Variants in SEC24A observed in about 807,000 individuals in gnomAD.
SEC24A encodes SEC24 homolog A, COPII component.
A neutral mutation model predicts 129.4 loss-of-function variants in SEC24A; 93 were observed. The observed-to-expected ratio is 0.72, with a 90% CI of 0.61 to 0.85. The LOEUF is 0.85. SEC24A is among the 40% of genes least tolerant of loss of function. The probability of loss-of-function intolerance (pLI) is 0.00; values close to 1 mark genes in which losing one functional copy is unlikely to be tolerated. For missense variants in SEC24A, 1,264 were observed against 1,307.4 expected (o/e 0.97, Z 0.51); for synonymous variants, 460 against 467.3 (o/e 0.98, Z 0.20).
chr5:134,650,387 A>G (rs142021764), intron 1 of SEC24A, among the ~76,000 whole-genome samples: 211 of 152,342 alleles, frequency 1.4e-3, no homozygotes, highest in African/African-American at 4.1e-3. Context: ...ACTTTAAATG[A>G]CAAATCCTCA....
rs1752732022 is a variant in SEC24A, at chr5:134,725,249, A to G, written c.*155A>G. 1 of 538,312 alleles carries G rather than the reference A, an allele frequency of 1.9e-6. No individual in the cohort carries two copies. Among genetic ancestry groups the G allele is most frequent in the Non-Finnish European group, 3.3e-6 (1 of 306,948 alleles). 33.3% of individuals were successfully genotyped at this position (538,312 alleles called of 1,614,324 possible). A position where few individuals can be genotyped will look rare whatever the true frequency, so the allele number is the denominator to read the frequency against. ...TTCAACAACCTATAGCAAATAAAAG[A>G]CCACAGCAGAGAATCAAACATGCAA... On this transcript the variant is annotated 3_prime_UTR_variant, in exon 23 of 23. Coordinates refer to ENST00000398844, the MANE Select transcript of SEC24A (RefSeq NM_021982.3).
intron 1 of SEC24A, among the ~76,000 whole-genome samples, chr5:134,655,135 C>T (rs1186562501): frequency 6.6e-6 from 1 of 152,118 alleles, no homozygotes; most frequent in Non-Finnish European, 1.5e-5. Context: ...CCGCACCCGG[C>T]CACATGAGAT....
At chr5:134,709,785 T>G (rs1243351731) in intron 18 of SEC24A, among the ~76,000 whole-genome samples, 1 of 152,160 alleles carries the variant, frequency 6.6e-6, no homozygotes, top group Non-Finnish European at 1.5e-5. Flanking sequence ...TAATTAGAAT[T>G]TTTCACCAAC....
intron 10 of SEC24A, among the ~76,000 whole-genome samples, chr5:134,687,347 T>C (rs1751488112): frequency 6.6e-6 from 1 of 152,224 alleles, no homozygotes; most frequent in South Asian, 2.1e-4. Context: ...TTTTTGTTCC[T>C]AGTTGTCTCA....
chr5:134,715,225 C>A, intron 19 of SEC24A, 64 bp downstream of exon 19: 1 of 1,312,156 alleles, frequency 7.6e-7, no homozygotes, highest in Non-Finnish European at 1.1e-6. Context: ...TAGTCCAGTA[C>A]AGAAATGAGG....
intron 1 of SEC24A, among the ~76,000 whole-genome samples, chr5:134,655,698 A>G (rs1580675505): frequency 6.6e-6 from 1 of 152,118 alleles, no homozygotes; most frequent in South Asian, 2.1e-4. Context: ...TAAGGCCACA[A>G]ATGGCTTCCT....
At position 134,648,952 on chromosome 5, in the gene SEC24A, C is replaced by A. The variant is rs1436465402; in HGVS notation, c.-125C>A. On this transcript the variant is annotated 5_prime_UTR_variant, in exon 1 of 23. Transcript: ENST00000398844. ...CCATGCCTCGGGCTTAATGCGCCCC[C>A]CCCTCTTCTCCCAGTCTTCAGTCTT... 13 of 641,628 alleles carry A rather than the reference C, an allele frequency of 2.0e-5. No individual in the cohort carries two copies. Among genetic ancestry groups the A allele is most frequent in the Non-Finnish European group, 3.2e-5 (12 of 371,222 alleles). 39.7% of individuals were successfully genotyped at this position (641,628 alleles called of 1,614,324 possible).
intron 4 of SEC24A, among the ~76,000 whole-genome samples, chr5:134,672,965 C>T (rs962102362): frequency 5.3e-5 from 8 of 151,662 alleles, no homozygotes; most frequent in African/African-American, 1.7e-4. Flanking sequence ...TGGTCTCGAA[C>T]CCTTGGCTTG....
chr5:134,690,787 A>G (rs1751618818), intron 11 of SEC24A, among the ~76,000 whole-genome samples: 1 of 152,158 alleles, frequency 6.6e-6, no homozygotes, highest in Non-Finnish European at 1.5e-5. Context: ...CAGGTAGCAT[A>G]CCTTCTGATT....
Position 134,697,258 on chromosome 5 carries a change from G to T in SEC24A, c.2107+12G>T. ...TTTGGCTTCTCTGGGTAAGTTCTTCGTAATGATTTTTTTTTTCCGTTAAAT... is the reference window on the plus strand; with the variant it reads ...TTTGGCTTCTCTGGGTAAGTTCTTCTTAATGATTTTTTTTTTCCGTTAAAT... On this transcript the variant is annotated intron_variant, in intron 14 of 22. Coordinates refer to ENST00000398844, the MANE Select transcript of SEC24A (RefSeq NM_021982.3). The T allele has an allele frequency of 1.9e-6, 3 of 1,581,986 alleles. No individual in the cohort carries two copies. The highest frequency in any genetic ancestry group is 2.3e-5 in the South Asian group (2 of 86,474).
intron 19 of SEC24A, among the ~76,000 whole-genome samples, chr5:134,716,658 C>G (rs917915960): frequency 1.3e-4 from 19 of 150,002 alleles, no homozygotes; most frequent in African/African-American, 4.7e-4. Flanking sequence ...ATTAACTGGT[C>G]GTGGTGATGC....
chr5:134,686,502 G>T (rs570592044), intron 9 of SEC24A, among the ~76,000 whole-genome samples: 1 of 152,314 alleles, frequency 6.6e-6, no homozygotes, highest in South Asian at 2.1e-4. Context: ...CTCCCAAAGT[G>T]CTGGGATTAC....
intron 20 of SEC24A, among the ~76,000 whole-genome samples, chr5:134,718,470 C>A (rs1752540853): frequency 6.6e-6 from 1 of 151,776 alleles, no homozygotes; most frequent in Admixed American, 6.6e-5. Context: ...TTAGGCGGGT[C>A]CTTGAGGAGG....
In SEC24A at chr5:134,693,515, T is replaced by A; in HGVS notation, c.1780-212T>A. The A allele has an allele frequency of 2.1e-6, 3 of 1,422,162 alleles. No homozygotes were observed. In the South Asian group the frequency reaches 4.6e-5, roughly 22 times the overall value. 88.1% of individuals were successfully genotyped at this position (1,422,162 alleles called of 1,614,324 possible). ...GCTGGACTACTGCATGTGCAAGAACTGTAAGGCCCAACTTTGATTTGTCTT... is the reference window on the plus strand; with the variant it reads ...GCTGGACTACTGCATGTGCAAGAACAGTAAGGCCCAACTTTGATTTGTCTT... On this transcript the variant is annotated intron_variant, in intron 12 of 22. Coordinates refer to ENST00000398844, the MANE Select transcript of SEC24A (RefSeq NM_021982.3).
At chr5:134,708,942 A>T (rs1752243755) in intron 18 of SEC24A, 54 bp downstream of exon 18, 1 of 1,528,598 alleles carries the variant, frequency 6.5e-7, no homozygotes, top group East Asian at 2.3e-5. Context: ...ACTGTGGCCT[A>T]CACCTGCAAT....
chr5:134,696,793 C>T (rs891319895), intron 13 of SEC24A, among the ~76,000 whole-genome samples: 3 of 151,364 alleles, frequency 2.0e-5, no homozygotes, highest in Middle Eastern at 3.4e-3. Flanking sequence ...CCACCGCACC[C>T]GGCCATTTTT....
At chr5:134,707,735 T>G (rs973721704) in intron 17 of SEC24A, among the ~76,000 whole-genome samples, 8 of 152,186 alleles carry the variant, frequency 5.3e-5, no homozygotes, top group Admixed American at 4.6e-4. Context: ...TGTCACAACT[T>G]TGTAAGTATT....
chr5:134,718,198 C>G (rs752380156), intron 20 of SEC24A, 25 bp downstream of exon 20: 1 of 1,496,016 alleles, frequency 6.7e-7, no homozygotes, highest in Non-Finnish European at 9.3e-7. Context: ...TTATCCTGAC[C>G]CTCACTGCAA....
intron 18 of SEC24A, among the ~76,000 whole-genome samples, chr5:134,709,594 TG>T (rs1289196526): frequency 6.6e-6 from 1 of 152,088 alleles, no homozygotes; most frequent in Non-Finnish European, 1.5e-5. Flanking sequence ...AGCAGAATGG[TG>T]GTTACTAGAG....
Sources: gnomAD v4.1 joint callset for allele counts (sites outside exome capture counted in the v4.1 genomes callset) on GRCh38, gnomAD v4.1.1 for gene constraint, MANE v1.5 for transcripts, NCBI Gene and HGNC (gene_info 2026-07-23, HGNC 2026-07-21) for gene names.